IQCJ: variants seen among roughly 807,000 people sequenced by gnomAD.
The protein encoded by IQCJ is IQ motif containing J.
Under a neutral mutation model 11.0 loss-of-function variants are expected in IQCJ, and 9 were observed. That is an observed-to-expected ratio of 0.82 (90% confidence interval 0.49 to 1.43). IQCJ has a LOEUF of 1.43. Among genes scored for constraint, IQCJ ranks in the 40% most tolerant of loss-of-function variants. The pLI is 0.00. For synonymous variants in IQCJ, 55 were observed against 51.3 expected (o/e 1.07, Z -0.31); for missense variants, 146 against 133.2 (o/e 1.10, Z -0.47).
At chr3:159,204,251 CCTT>C (rs1284370762) in intron 1 of IQCJ, among the ~76,000 whole-genome samples, 3 of 152,222 alleles carry the variant, frequency 2.0e-5, no homozygotes, top group Non-Finnish European at 4.4e-5. Flanking sequence ...TCTCTCTGCT[CCTT>C]CTAGACTGCA....
chr3:159,230,173 T>C (rs1726163138), intron 1 of IQCJ, among the ~76,000 whole-genome samples: 1 of 152,032 alleles, frequency 6.6e-6, no homozygotes, highest in Non-Finnish European at 1.5e-5. Context: ...TTAATTCTCT[T>C]AGGATTATGG....
At chr3:159,223,532 G>A (rs911102009) in intron 1 of IQCJ, among the ~76,000 whole-genome samples, 11 of 152,028 alleles carry the variant, frequency 7.2e-5, no homozygotes, top group African/African-American at 2.7e-4. Flanking sequence ...TAAGACTCTG[G>A]TTTGGAAGAT....
At chr3:159,254,877 G>A (rs1291095021) in intron 3 of IQCJ, among the ~76,000 whole-genome samples, 1 of 152,186 alleles carries the variant, frequency 6.6e-6, no homozygotes, top group Non-Finnish European at 1.5e-5. Context: ...GACTCTGAGG[G>A]AAGGGGCCAT....
At chr3:159,223,045 C>G (rs1560031393) in intron 1 of IQCJ, among the ~76,000 whole-genome samples, 1 of 151,980 alleles carries the variant, frequency 6.6e-6, no homozygotes, top group Non-Finnish European at 1.5e-5. Flanking sequence ...TTATACTACT[C>G]AAGGAAAAAA....
intron 1 of IQCJ, among the ~76,000 whole-genome samples, chr3:159,095,452 G>A (rs1302573071): frequency 1.4e-5 from 2 of 142,580 alleles, no homozygotes; most frequent in African/African-American, 5.3e-5. Flanking sequence ...CCATGCTGGT[G>A]CGCTGCACCC....
intron 1 of IQCJ, among the ~76,000 whole-genome samples, chr3:159,200,814 T>TA (rs2108065506): frequency 6.6e-6 from 1 of 152,278 alleles, no homozygotes; most frequent in East Asian, 1.9e-4. Context: ...TACTGATTTC[T>TA]AAAAAGCTTC....
intron 1 of IQCJ, among the ~76,000 whole-genome samples, chr3:159,175,273 A>G (rs563345302): frequency 6.6e-6 from 1 of 152,198 alleles, no homozygotes; most frequent in Non-Finnish European, 1.5e-5. Flanking sequence ...GGCATTCAAG[A>G]CTAGCCTGGC....
intron 1 of IQCJ, among the ~76,000 whole-genome samples, chr3:159,088,809 G>A (rs1344204344): frequency 1.3e-5 from 2 of 152,022 alleles, no homozygotes; most frequent in Non-Finnish European, 2.9e-5. Flanking sequence ...GAGCCTATGT[G>A]TGTCTCTGCA....
At chr3:159,240,288 C>T (rs979956745) in intron 1 of IQCJ, among the ~76,000 whole-genome samples, 3 of 152,138 alleles carry the variant, frequency 2.0e-5, no homozygotes, top group African/African-American at 7.2e-5. Context: ...TAGATATTAG[C>T]TTTCACTTAC....
rs1287147933 is a variant in IQCJ, at chr3:159,223,021, A to G, written c.10-22822A>G. 3.3e-5 allele frequency among the ~76,000 whole-genome samples: 5 copies of G among 152,144 alleles called. 1 individual carries two copies. Among genetic ancestry groups the G allele is most frequent in the African/African-American group, 1.2e-4 (5 of 41,436 alleles). ...CAAATTTTCATTATGCCAGAAGAAA[A>G]TGGAGCAACATATTTATACTACTCA... On this transcript the variant is annotated intron_variant, in intron 1 of 3. Coordinates refer to ENST00000397832, the MANE Select transcript of IQCJ (RefSeq NM_001042706.3).
At chr3:159,216,561 C>T (rs115125363) in intron 1 of IQCJ, among the ~76,000 whole-genome samples, 42 of 152,206 alleles carry the variant, frequency 2.8e-4, no homozygotes, top group African/African-American at 9.1e-4. Flanking sequence ...TCTCATTAGT[C>T]GGTAACTTAA....
intron 1 of IQCJ, among the ~76,000 whole-genome samples, chr3:159,117,506 T>C (rs1719100834): frequency 6.6e-6 from 1 of 152,222 alleles, no homozygotes; most frequent in African/African-American, 2.4e-5. Context: ...TCATTGTATG[T>C]ACAAAGCATA....
chr3:159,235,455 G>C (rs556138964), intron 1 of IQCJ, among the ~76,000 whole-genome samples: 16 of 152,308 alleles, frequency 1.1e-4, no homozygotes, highest in African/African-American at 3.4e-4. Flanking sequence ...GGAAAGGAGA[G>C]GGGAATATTT....
intron 1 of IQCJ, among the ~76,000 whole-genome samples, chr3:159,151,501 C>A (rs762018286): frequency 2.1e-4 from 32 of 152,208 alleles, no homozygotes; most frequent in Non-Finnish European, 3.5e-4. Context: ...GCTGTCTCCC[C>A]AGCCTGTCCT....
Position 159,085,769 on chromosome 3 carries a change from T to G in IQCJ, c.9+16328T>G, listed in dbSNP as rs572380122. ...CGCCCACTTTTTGATGGGGTTGTTT[T>G]TTTTTTCTTGTAAATTTGTTTGAGT... On this transcript the variant is annotated intron_variant, in intron 1 of 3. Coordinates refer to ENST00000397832, the MANE Select transcript of IQCJ (RefSeq NM_001042706.3). Among the ~76,000 whole-genome samples the G allele has an allele frequency of 2.8e-4, 43 of 151,932 alleles. No homozygotes were observed. In the South Asian group the frequency reaches 4.4e-3, roughly 15 times the overall value.
intron 1 of IQCJ, among the ~76,000 whole-genome samples, chr3:159,240,914 C>T (rs1726881048): frequency 6.6e-6 from 1 of 152,090 alleles, no homozygotes; most frequent in Admixed American, 6.5e-5. Context: ...CTGAAAAAGA[C>T]ATTTTAAAAG....
rs527918424 is a variant in IQCJ, at chr3:159,147,864, A to T, written c.9+78423A>T. On this transcript the variant is annotated intron_variant, in intron 1 of 3. Coordinates refer to ENST00000397832, the MANE Select transcript of IQCJ (RefSeq NM_001042706.3). ...CAAAGTTTTCAAGGATACTAACTAC[A>T]GCAAGAGAATCGTGGAATCGTGAAT... is the stretch of plus-strand genomic sequence containing the variant. 1.2e-4 allele frequency among the ~76,000 whole-genome samples: 19 copies of T among 152,330 alleles called. No homozygotes were observed. In the East Asian group the frequency reaches 2.5e-3, roughly 20 times the overall value.
intron 1 of IQCJ, among the ~76,000 whole-genome samples, chr3:159,204,141 A>G (rs1724514239): frequency 6.6e-6 from 1 of 152,218 alleles, no homozygotes; most frequent in Non-Finnish European, 1.5e-5. Flanking sequence ...CTGCTGCATA[A>G]CAAACTTCCT....
At chr3:159,122,241 A>G (rs999304197) in intron 1 of IQCJ, among the ~76,000 whole-genome samples, 2 of 152,216 alleles carry the variant, frequency 1.3e-5, no homozygotes, top group Non-Finnish European at 2.9e-5. Context: ...TCACATCCCA[A>G]TACCATCACA....
Sources: gnomAD v4.1 joint callset for allele counts (sites outside exome capture counted in the v4.1 genomes callset) on GRCh38, gnomAD v4.1.1 for gene constraint, MANE v1.5 for transcripts, NCBI Gene and HGNC (gene_info 2026-07-23, HGNC 2026-07-21) for gene names.